The following ADGRG6 variants were observed in gnomAD, a reference collection of about 807,000 sequenced individuals.
ADGRG6 encodes the protein G-protein coupled receptor 126.
In ADGRG6, 84 loss-of-function variants were observed where a neutral mutation model predicts 142.4. The observed-to-expected ratio is 0.59, with a 90% CI of 0.49 to 0.71. The LOEUF is 0.71. ADGRG6 is among the 30% of genes least tolerant of loss of function. The pLI is 0.00. For synonymous variants in ADGRG6, 521 were observed against 520.5 expected, an observed-to-expected ratio of 1.00 and a Z score of -0.01; for missense variants, 1,367 against 1,466.6, an observed-to-expected ratio of 0.93 and a Z score of 1.11.
chr6:142,438,296 A>G lies in ADGRG6; in HGVS notation c.3506A>G (p.Asn1169Ser), dbSNP rs755343005. Residue 1169 changes from asparagine (N) to serine (S), a missense_variant, in exon 24 of 25, where the codon AAC becomes AGC. Asn to Ser is a conservative substitution (Grantham distance 46). Around this residue, in one of 3 missense-constraint regions of ADGRG6, gnomAD observed 344 missense variants for 348.7 expected, o/e 0.99. Transcript: ENST00000367609. The part of the protein sequence containing the change: ...KSLSSSSIGS[N>S]STYLTSKSKS... ...TTGTCTTCAAGCTCCATTGGTTCCA[A>G]CTCAACCTATCTTACATCCAAATCT... 6.2e-7 allele frequency: 1 copy of G among 1,607,770 alleles called. No individual in the cohort carries two copies. Among genetic ancestry groups the G allele is most frequent in the Non-Finnish European group, 8.5e-7 (1 of 1,175,866 alleles).
chr6:142,400,704 G>T (rs906163353), intron 11 of ADGRG6, 108 bp downstream of exon 11: 2 of 666,866 alleles, frequency 3.0e-6, no homozygotes, highest in Non-Finnish European at 5.5e-6. Context: ...GCAAAGAAGG[G>T]CAGGAATCTC....
chr6:142,390,350 G>A lies in ADGRG6; in HGVS notation c.1308+7G>A, dbSNP rs745971706. On this transcript the variant is annotated splice_region_variant and intron_variant, in intron 7 of 24. Transcript: ENST00000367609. ...GAGCAAGGTGGCAGAATGGGTAAGTGAGCTTGTAACTTTTCTTTTTTAAAA... is the reference window on the plus strand; with the variant it reads ...GAGCAAGGTGGCAGAATGGGTAAGTAAGCTTGTAACTTTTCTTTTTTAAAA... 3.9e-6 allele frequency: 6 copies of A among 1,549,146 alleles called. No homozygotes were observed. In the African/African-American group the frequency reaches 6.8e-5, roughly 18 times the overall value.
chr6:142,428,463 G>A (rs1777058349), intron 22 of ADGRG6, among the ~76,000 whole-genome samples: 1 of 152,078 alleles, frequency 6.6e-6, no homozygotes, highest in South Asian at 2.1e-4. Flanking sequence ...TAATGCTTTG[G>A]TCTTTTAATT....
chr6:142,416,894 T>C (rs1473876849), intron 20 of ADGRG6, among the ~76,000 whole-genome samples: 4 of 152,212 alleles, frequency 2.6e-5, no homozygotes, highest in Admixed American at 6.5e-5. Flanking sequence ...CAAAATAGGC[T>C]GTAATGACCT....
intron 2 of ADGRG6, among the ~76,000 whole-genome samples, chr6:142,315,052 T>A (rs939645854): frequency 2.6e-5 from 4 of 151,966 alleles, no homozygotes; most frequent in African/African-American, 4.8e-5. Flanking sequence ...TTGTTTTACC[T>A]GTAAAGTTTC....
intron 2 of ADGRG6, among the ~76,000 whole-genome samples, chr6:142,358,880 G>A (rs1235182696): frequency 6.6e-6 from 1 of 151,802 alleles, no homozygotes; most frequent in East Asian, 1.9e-4. Flanking sequence ...CCTGGGCGAC[G>A]GAGTGAGACT....
chr6:142,369,101 G>T (rs547093542), intron 3 of ADGRG6, among the ~76,000 whole-genome samples: 1 of 152,156 alleles, frequency 6.6e-6, no homozygotes, highest in Admixed American at 6.5e-5. Context: ...AACTATTCTT[G>T]ATGTACTGAA....
chr6:142,392,858 C>T, intron 7 of ADGRG6, 90 bp from the exon 8 acceptor site: 1 of 832,968 alleles, frequency 1.2e-6, no homozygotes, highest in South Asian at 1.5e-5. Context: ...GGTCTTATCT[C>T]AGTAACAACT....
rs1774988206 is a variant in ADGRG6 at position 142,393,142 on chromosome 6, ATTAGT to A, written c.1361+144_1361+148del. On this transcript the variant is annotated intron_variant, in intron 8 of 24. Transcript: ENST00000367609. ...CATAATCTTTCTAAAACAACTGTGT[ATTAGT>A]TCATTGCACAAAAAACCTCCATGCT... 23 of 549,902 alleles carry A rather than the reference ATTAGT, an allele frequency of 4.2e-5. 1 individual carries two copies. The South Asian group carries it at 5.6e-4, about 13-fold the overall frequency. 34.1% of individuals were successfully genotyped at this position (549,902 alleles called of 1,614,324 possible). A position where few individuals can be genotyped will look rare whatever the true frequency, so the allele number is the denominator to read the frequency against.
intron 22 of ADGRG6, among the ~76,000 whole-genome samples, chr6:142,429,239 G>A (rs953140734): frequency 2.6e-5 from 4 of 152,166 alleles, no homozygotes; most frequent in African/African-American, 9.7e-5. Context: ...AAAGTATGAG[G>A]TGAAATATGC....
At chr6:142,321,409 C>T (rs1222250256) in intron 2 of ADGRG6, among the ~76,000 whole-genome samples, 1 of 151,720 alleles carries the variant, frequency 6.6e-6, no homozygotes, top group African/African-American at 2.4e-5. Context: ...TTTACACCAC[C>T]ATTATTTATA....
chr6:142,369,048 A>AT (rs1781090267), intron 3 of ADGRG6, among the ~76,000 whole-genome samples: 1 of 152,128 alleles, frequency 6.6e-6, no homozygotes, highest in Admixed American at 6.5e-5. Flanking sequence ...TCTATCATAG[A>AT]TTTTTACTAG....
chr6:142,386,554 T>A (rs1782034563), intron 6 of ADGRG6, among the ~76,000 whole-genome samples: 2 of 152,100 alleles, frequency 1.3e-5, no homozygotes, highest in Admixed American at 1.3e-4. Context: ...TTTTGCACAA[T>A]GAAAATTGTG....
chr6:142,348,941 T>C (rs536134267), intron 2 of ADGRG6, among the ~76,000 whole-genome samples: 1 of 152,366 alleles, frequency 6.6e-6, no homozygotes, highest in African/African-American at 2.4e-5. Flanking sequence ...ATGGGAATAC[T>C]AGCACAGTTG....
chr6:142,328,576 A>G (rs572997661), intron 2 of ADGRG6, among the ~76,000 whole-genome samples: 3 of 152,256 alleles, frequency 2.0e-5, no homozygotes, highest in African/African-American at 7.2e-5. Flanking sequence ...ATCTAATTAT[A>G]GTTCAGTAAT....
chr6:142,427,368 C>T (rs749577473), intron 22 of ADGRG6, among the ~76,000 whole-genome samples: 15 of 152,174 alleles, frequency 9.9e-5, no homozygotes, highest in Non-Finnish European at 2.1e-4. Context: ...TGCTAAAACA[C>T]AAGAGTCACC....
At chr6:142,405,568 A>G in intron 14 of ADGRG6, 120 bp from the exon 15 acceptor site, 2 of 755,888 alleles carry the variant, frequency 2.6e-6, no homozygotes, top group Admixed American at 2.1e-5. Flanking sequence ...TACAAAGGGA[A>G]GTCCTGGTAC....
chr6:142,354,491 C>G (rs749845201), intron 2 of ADGRG6, among the ~76,000 whole-genome samples: 1 of 152,140 alleles, frequency 6.6e-6, no homozygotes, highest in Non-Finnish European at 1.5e-5. Flanking sequence ...TCATTTCATA[C>G]ATTCTCTTTT....
Position 142,416,010 on chromosome 6 carries a change from G to A in ADGRG6, c.2884G>A (p.Val962Ile). The A allele has an allele frequency of 1.9e-6, 3 of 1,610,840 alleles. No individual in the cohort carries two copies. Among genetic ancestry groups the A allele is most frequent in the Non-Finnish European group, 2.5e-6 (3 of 1,177,196 alleles). The change falls in exon 20 of 25, where the codon GTA becomes ATA. Residue 962 changes from valine to isoleucine, a missense_variant. Physicochemically the swap from Val to Ile is conservative, Grantham distance 29 (BLOSUM62 3). This residue lies in a region of ADGRG6 where 344 missense variants were observed against 348.7 expected (regional missense o/e 0.99). Coordinates refer to ENST00000367609, the MANE Select transcript of ADGRG6 (RefSeq NM_198569.3). Reference protein sequence around the residue: ...AIHMYIALVKVFNTYIRRYIL... With the variant: ...AIHMYIALVKIFNTYIRRYIL... ...TCACATGTACATTGCTCTAGTTAAAGTATTTAACACTTACATTCGCCGATA... is the reference window on the plus strand; with the variant it reads ...TCACATGTACATTGCTCTAGTTAAAATATTTAACACTTACATTCGCCGATA...
Sources: gnomAD v4.1 joint callset for allele counts (sites outside exome capture counted in the v4.1 genomes callset) on GRCh38, gnomAD v4.1.1 for gene constraint, gnomAD v4.1.1 regional missense constraint, MANE v1.5 for transcripts, NCBI Gene and HGNC (gene_info 2026-07-23, HGNC 2026-07-21) for gene names.